NEK1: variants seen among roughly 807,000 people sequenced by gnomAD.
NEK1 encodes NIMA related kinase 1, also known as serine/threonine-protein kinase Nek1.
Under a neutral mutation model 182.1 loss-of-function variants are expected in NEK1, and 137 were observed. That is an observed-to-expected ratio of 0.75 (90% CI 0.65 to 0.87). The LOEUF (loss-of-function observed/expected upper bound fraction) is 0.87. Ranked by LOEUF, NEK1 falls within the 40% of genes least tolerant of loss-of-function variation. The pLI, the probability that NEK1 is intolerant of heterozygous loss-of-function variation, is 0.00. For missense variants in NEK1, 1,391 were observed against 1,494.4 expected (o/e 0.93, Z 1.14); for synonymous variants, 513 against 492.2 (o/e 1.04, Z -0.56).
At chr4:169,593,485 A>C (rs1431958034) in intron 5 of NEK1, among the ~76,000 whole-genome samples, 2 of 152,222 alleles carry the variant, frequency 1.3e-5, no homozygotes, top group Non-Finnish European at 2.9e-5. Context: ...GCGGCAACAC[A>C]GTCTGGAGGT....
At position 169,612,403 on chromosome 4, in the gene NEK1, T is replaced by C. The variant is rs1171816129; in HGVS notation, c.-354A>G. 1 of 152,094 alleles carries C rather than the reference T, an allele frequency of 6.6e-6. No homozygotes were observed. Among genetic ancestry groups the C allele is most frequent in the Non-Finnish European group, 1.5e-5 (1 of 68,082 alleles). 9.4% of individuals were successfully genotyped at this position (152,094 alleles called of 1,614,324 possible). The stretch of plus-strand genomic sequence containing the variant: ...GCCTCTCCAACTTCACAGAGGTCGT[T>C]GCTAGTGGCCACGGCGGGGTGGGGA... On this transcript the variant is annotated 5_prime_UTR_variant, in exon 1 of 36. Coordinates refer to ENST00000507142, the MANE Select transcript of NEK1 (RefSeq NM_001199397.3).
At chr4:169,477,574 T>C in intron 24 of NEK1, 77 bp from the exon 25 acceptor site, 2 of 1,110,328 alleles carry the variant, frequency 1.8e-6, no homozygotes, top group East Asian at 2.6e-5. Flanking sequence ...TACATCCTCG[T>C]TACTTTTTGG....
intron 23 of NEK1, among the ~76,000 whole-genome samples, chr4:169,492,985 G>A (rs1750402279): frequency 6.6e-6 from 1 of 152,200 alleles, no homozygotes; most frequent in African/African-American, 2.4e-5. Flanking sequence ...TTGTGGACAT[G>A]GCAGCAGTTC....
Position 169,400,141 on chromosome 4 carries a change from T to C in NEK1, c.3847+84A>G, listed in dbSNP as rs527978277. ...CCAAGTAGATTTCACAAAATGGATG[T>C]GATGTAAGCTGATTCATATACATGT... On this transcript the variant is annotated intron_variant, in intron 35 of 35. Coordinates refer to ENST00000507142, the MANE Select transcript of NEK1 (RefSeq NM_001199397.3). 1.3e-4 allele frequency: 166 copies of C among 1,274,230 alleles called. No individual in the cohort carries two copies. The African/African-American group carries it at 2.0e-3, about 16-fold the overall frequency. 78.9% of individuals were successfully genotyped at this position (1,274,230 alleles called of 1,614,324 possible). A position where few individuals can be genotyped will look rare whatever the true frequency, so the allele number is the denominator to read the frequency against.
At chr4:169,445,710 A>C (rs1006455726) in intron 27 of NEK1, among the ~76,000 whole-genome samples, 1 of 151,830 alleles carries the variant, frequency 6.6e-6, no homozygotes, top group Non-Finnish European at 1.5e-5. Context: ...GCAAAAAAAA[A>C]CAAAACAAAA....
intron 35 of NEK1, among the ~76,000 whole-genome samples, chr4:169,396,068 C>G (rs1020416245): frequency 5.3e-5 from 8 of 151,980 alleles, no homozygotes; most frequent in African/African-American, 2.4e-5. Flanking sequence ...GTGTCTCTTT[C>G]TTAAGAGTCT....
chr4:169,484,650 G>C (rs1748724276), intron 23 of NEK1, among the ~76,000 whole-genome samples: 2 of 152,318 alleles, frequency 1.3e-5, no homozygotes, highest in South Asian at 4.1e-4. Context: ...GTAAAGCCAA[G>C]AGGGGCACCA....
chr4:169,606,777 A>C (rs1771413597), intron 2 of NEK1, among the ~76,000 whole-genome samples: 1 of 152,250 alleles, frequency 6.6e-6, no homozygotes, highest in Non-Finnish European at 1.5e-5. Context: ...TGGTGTTCTT[A>C]GTATCAGATC....
intron 18 of NEK1, among the ~76,000 whole-genome samples, chr4:169,553,103 G>A (rs546946585): frequency 6.6e-5 from 10 of 152,162 alleles, no homozygotes; most frequent in East Asian, 5.8e-4. Flanking sequence ...CAAAAGAACC[G>A]GAATAGCCAA....
intron 11 of NEK1, among the ~76,000 whole-genome samples, chr4:169,577,493 C>T (rs1011349098): frequency 3.0e-4 from 46 of 152,210 alleles, no homozygotes; most frequent in African/African-American, 9.9e-4. Flanking sequence ...AAAGGCCAAG[C>T]GCGGTGGCTC....
intron 29 of NEK1, among the ~76,000 whole-genome samples, chr4:169,426,731 G>A (rs776010820): frequency 6.6e-6 from 1 of 152,162 alleles, no homozygotes. Context: ...TCATGCAGCT[G>A]TTAAAAAATG....
chr4:169,396,390 A>AAAAAAAAAAAAAAG (rs1730714462), intron 35 of NEK1, among the ~76,000 whole-genome samples: 1 of 149,622 alleles, frequency 6.7e-6, no homozygotes, highest in Non-Finnish European at 1.5e-5. Flanking sequence ...AAAAAAAAAA[A>AAAAAAAAAAAAAAG]AAAAAAGAAG....
chr4:169,423,925 G>A (rs548054676), intron 31 of NEK1, among the ~76,000 whole-genome samples: 25 of 152,102 alleles, frequency 1.6e-4, no homozygotes, highest in Middle Eastern at 3.4e-3. Context: ...CAATAATGTC[G>A]TAATATATAT....
At position 169,471,572 on chromosome 4, in the gene NEK1, G is replaced by A. The variant is rs548314662; in HGVS notation, c.2434+5552C>T. Among the ~76,000 whole-genome samples the A allele has an allele frequency of 1.0e-3, 158 of 152,310 alleles. 1 individual carries two copies. The highest frequency in any genetic ancestry group is 3.7e-3 in the African/African-American group (153 of 41,572). On this transcript the variant is annotated intron_variant, in intron 26 of 35. Transcript: ENST00000507142. ...TGAGGTGTCTGTCGTCCCCTGCTGG[G>A]AGGTGTCTCCCAGTCAGGAGGCACG... is the stretch of plus-strand genomic sequence containing the variant.
chr4:169,514,298 T>C (rs1444534389), intron 19 of NEK1, among the ~76,000 whole-genome samples: 2 of 152,158 alleles, frequency 1.3e-5, no homozygotes, highest in Admixed American at 6.5e-5. Flanking sequence ...AGGATTTTTG[T>C]ATTTAATTTC....
chr4:169,533,397 C>T (rs1030397315), intron 19 of NEK1, among the ~76,000 whole-genome samples: 1 of 152,176 alleles, frequency 6.6e-6, no homozygotes, highest in Non-Finnish European at 1.5e-5. Flanking sequence ...AATTCATACT[C>T]CCAATCATGA....
At chr4:169,472,311 G>A (rs145106058) in intron 26 of NEK1, among the ~76,000 whole-genome samples, 5,065 of 152,220 alleles carry the variant, frequency 0.033, 150 homozygotes, top group Non-Finnish European at 0.047. Context: ...GAAAACCATC[G>A]GAAAAGCGTA....
chr4:169,544,811 G>A (rs1322133565), intron 18 of NEK1, among the ~76,000 whole-genome samples: 1 of 151,378 alleles, frequency 6.6e-6, no homozygotes, highest in Non-Finnish European at 1.5e-5. Flanking sequence ...TTGTATTTCT[G>A]TGGGATCAAT....
chr4:169,419,562 G>A (rs963943857), intron 31 of NEK1, among the ~76,000 whole-genome samples: 1 of 152,290 alleles, frequency 6.6e-6, no homozygotes, highest in African/African-American at 2.4e-5. Flanking sequence ...AATTTATAAC[G>A]TGGTAGAAAA....
Sources: gnomAD v4.1 joint callset for allele counts (sites outside exome capture counted in the v4.1 genomes callset) on GRCh38, gnomAD v4.1.1 for gene constraint, MANE v1.5 for transcripts, NCBI Gene and HGNC (gene_info 2026-07-23, HGNC 2026-07-21) for gene names.